The following SPAG16 variants were observed in gnomAD, a reference collection of about 807,000 sequenced individuals.
SPAG16 encodes the protein sperm-associated antigen 16 protein.
In SPAG16, 86 loss-of-function variants were observed where a neutral mutation model predicts 80.4. That is an observed-to-expected ratio of 1.07 (90% CI 0.90 to 1.28). SPAG16 has a LOEUF of 1.28. SPAG16 is among the 50% of genes most tolerant of loss of function. The pLI is 0.00. For synonymous variants in SPAG16, 294 were observed against 265.9 expected (o/e 1.11, Z -1.03); for missense variants, 870 against 765.3 (o/e 1.14, Z -1.61).
intron 15 of SPAG16, among the ~76,000 whole-genome samples, chr2:214,408,913 A>T (rs1247487740): frequency 6.6e-6 from 1 of 152,044 alleles, no homozygotes; most frequent in Non-Finnish European, 1.5e-5. Context: ...TACATAACAG[A>T]TATTTAAGCA....
intron 11 of SPAG16, among the ~76,000 whole-genome samples, chr2:213,881,735 A>G (rs1559549208): frequency 1.3e-5 from 2 of 152,212 alleles, no homozygotes; most frequent in Non-Finnish European, 1.5e-5. Flanking sequence ...TGATTCAATT[A>G]TCTCCACCTG....
intron 15 of SPAG16, among the ~76,000 whole-genome samples, chr2:214,285,386 C>G (rs1693276964): frequency 6.6e-6 from 1 of 152,034 alleles, no homozygotes; most frequent in South Asian, 2.1e-4. Flanking sequence ...ATATTAAGCC[C>G]TTATCAGATG....
At chr2:213,769,044 T>G (rs1018383768) in intron 10 of SPAG16, among the ~76,000 whole-genome samples, 3 of 151,858 alleles carry the variant, frequency 2.0e-5, no homozygotes, top group Non-Finnish European at 1.5e-5. Context: ...ATAAAAAGGG[T>G]GAGGTCAGGT....
intron 15 of SPAG16, among the ~76,000 whole-genome samples, chr2:214,232,863 A>G (rs1481341106): frequency 1.3e-5 from 2 of 152,034 alleles, no homozygotes; most frequent in African/African-American, 4.8e-5. Flanking sequence ...AGCCAGGGGC[A>G]TTAGTTAAGA....
In SPAG16 at chr2:213,350,525, T is replaced by C. The variant is rs2065268851; in HGVS notation, c.645-3T>C. 2 of 1,509,840 alleles carry C rather than the reference T, an allele frequency of 1.3e-6. No individual in the cohort carries two copies. The highest frequency in any genetic ancestry group is 2.2e-5 in the Admixed American group (1 of 44,724). The allele number at this position is 1,509,840 out of a possible 1,614,324, so 93.5% of individuals were successfully genotyped here. A position where few individuals can be genotyped will look rare whatever the true frequency, so the allele number is the denominator to read the frequency against. On this transcript the variant is annotated splice_polypyrimidine_tract_variant and splice_region_variant and intron_variant, in intron 6 of 15. Coordinates refer to ENST00000331683, the MANE Select transcript of SPAG16 (RefSeq NM_024532.5). ...AAGATGCTATTGACTTTATTTTTTA[T>C]AGGTTGAAGTTACATTATGCATCTT...
Position 213,587,889 on chromosome 2 carries a change from G to A in SPAG16, c.1070+97799G>A, listed in dbSNP as rs142403495. Among the ~76,000 whole-genome samples, 932 of 152,102 alleles carry A rather than the reference G, an allele frequency of 6.1e-3. 6 individuals carry two copies. The highest frequency in any genetic ancestry group is 9.1e-3 in the Non-Finnish European group (618 of 67,994). On this transcript the variant is annotated intron_variant, in intron 10 of 15. Coordinates refer to ENST00000331683, the MANE Select transcript of SPAG16 (RefSeq NM_024532.5). ...GGAGGACACAAATATTCGAATTAGC[G>A]TACCCATTATATGATTAAAACTAAA...
At chr2:213,406,847 C>T (rs1357583112) in intron 9 of SPAG16, among the ~76,000 whole-genome samples, 4 of 151,668 alleles carry the variant, frequency 2.6e-5, no homozygotes, top group African/African-American at 4.9e-5. Context: ...TGAGGAGGCG[C>T]ACCCAGCCCT....
intron 10 of SPAG16, among the ~76,000 whole-genome samples, chr2:213,641,780 G>T (rs1293481510): frequency 6.6e-6 from 1 of 152,174 alleles, no homozygotes; most frequent in Non-Finnish European, 1.5e-5. Flanking sequence ...ACCTGAGACT[G>T]GGTAATTTAT....
intron 5 of SPAG16, among the ~76,000 whole-genome samples, chr2:213,338,248 G>A (rs1449991928): frequency 6.6e-6 from 1 of 152,142 alleles, no homozygotes; most frequent in Non-Finnish European, 1.5e-5. Context: ...ACCATTACCA[G>A]CCACTACAAA....
At chr2:214,309,005 C>T (rs952947119) in intron 15 of SPAG16, among the ~76,000 whole-genome samples, 1 of 151,666 alleles carries the variant, frequency 6.6e-6, no homozygotes, top group Non-Finnish European at 1.5e-5. Context: ...TCATTCTCCC[C>T]ATCTCTTTCA....
chr2:214,199,479 G>GT, intron 15 of SPAG16, among the ~76,000 whole-genome samples: 1 of 152,214 alleles, frequency 6.6e-6, no homozygotes, highest in South Asian at 2.1e-4. Flanking sequence ...TTTTATACCA[G>GT]TATCATGCTA....
intron 15 of SPAG16, among the ~76,000 whole-genome samples, chr2:214,288,475 T>G (rs1300398931): frequency 6.6e-6 from 1 of 152,114 alleles, no homozygotes; most frequent in Non-Finnish European, 1.5e-5. Flanking sequence ...TATGGTAGTA[T>G]TATTTTTGAT....
In SPAG16 at chr2:214,143,136, T is replaced by A. The variant is rs554015143; in HGVS notation, c.1594-6004T>A. Reference sequence around the variant, plus strand: ...GCCTTAAATCCTGGCCATTTCTTTTTTAACTGTGTGAACTGTAGGCAACTT... The same window carrying A: ...GCCTTAAATCCTGGCCATTTCTTTTATAACTGTGTGAACTGTAGGCAACTT... On this transcript the variant is annotated intron_variant, in intron 14 of 15. Coordinates refer to ENST00000331683, the MANE Select transcript of SPAG16 (RefSeq NM_024532.5). Among the ~76,000 whole-genome samples, 26 of 152,242 alleles carry A rather than the reference T, an allele frequency of 1.7e-4. No individual in the cohort carries two copies. In the South Asian group the frequency reaches 1.9e-3, roughly 11 times the overall value.
At chr2:214,213,171 C>A (rs2058340965) in intron 15 of SPAG16, among the ~76,000 whole-genome samples, 1 of 152,180 alleles carries the variant, frequency 6.6e-6, no homozygotes, top group South Asian at 2.1e-4. Context: ...TTGATTTTCC[C>A]AGTTTCTCAC....
At chr2:214,315,936 C>T (rs1001694002) in intron 15 of SPAG16, among the ~76,000 whole-genome samples, 1 of 152,086 alleles carries the variant, frequency 6.6e-6, no homozygotes, top group Admixed American at 6.6e-5. Context: ...TAGTGCAGAC[C>T]TCTAGCTTTT....
chr2:213,659,586 A>C (rs958481179), intron 10 of SPAG16, among the ~76,000 whole-genome samples: 4 of 152,196 alleles, frequency 2.6e-5, no homozygotes, highest in Non-Finnish European at 5.9e-5. Flanking sequence ...TAAATATAAA[A>C]GATCAAAGTG....
chr2:213,314,281 A>G (rs2063316946), intron 4 of SPAG16, among the ~76,000 whole-genome samples: 1 of 151,936 alleles, frequency 6.6e-6, no homozygotes, highest in African/African-American at 2.4e-5. Context: ...AGAGCAAATT[A>G]TATTTCAAAT....
chr2:214,383,580 G>A (rs4672707), intron 15 of SPAG16, among the ~76,000 whole-genome samples: 114,738 of 146,228 alleles, frequency 0.78, 46,350 homozygotes, highest in Non-Finnish European at 0.89. Context: ...CAAAAAAAAA[G>A]AAAAAAGAAA....
intron 11 of SPAG16, among the ~76,000 whole-genome samples, chr2:213,927,497 C>T (rs1479542423): frequency 6.6e-6 from 1 of 152,028 alleles, no homozygotes; most frequent in Admixed American, 6.6e-5. Flanking sequence ...TTCCATATTT[C>T]AGGCCATGTT....
Sources: gnomAD v4.1 joint callset for allele counts (sites outside exome capture counted in the v4.1 genomes callset) on GRCh38, gnomAD v4.1.1 for gene constraint, MANE v1.5 for transcripts, NCBI Gene and HGNC (gene_info 2026-07-23, HGNC 2026-07-21) for gene names.